The following MIR17HG variants were observed in gnomAD, a reference collection of about 807,000 sequenced individuals.
MIR17HG encodes the protein MIR17 host gene (non-protein coding).
At chr13:91,351,729 T>C (rs1312233326) in intron 3 of MIR17HG, 1 of 202,588 alleles carries the variant, frequency 4.9e-6, no homozygotes, top group African/African-American at 2.3e-5. Context: ...TTTTACTTAA[T>C]CTAAAAGTTA....
chr13:91,348,262 G>C (rs1018280715), intron 1 of MIR17HG, among the ~76,000 whole-genome samples: 5 of 150,612 alleles, frequency 3.3e-5, no homozygotes, highest in African/African-American at 1.2e-4. Flanking sequence ...ACCCGAAGGC[G>C]GGTGGGCGGA....
chr13:91,349,165 G>C (rs970424067), intron 1 of MIR17HG, among the ~76,000 whole-genome samples: 1 of 152,074 alleles, frequency 6.6e-6, no homozygotes. Context: ...CGGGCACTTT[G>C]CAGTCTCGGG....
chr13:91,351,519 T>C (rs185444885), intron 3 of MIR17HG: 1 of 367,954 alleles, frequency 2.7e-6, no homozygotes, highest in East Asian at 7.5e-5. Context: ...ACATCTTGTC[T>C]TGTTTTCATT....
chr13:91,349,783 T>A (rs1305092644), intron 2 of MIR17HG: 2 of 152,256 alleles, frequency 1.3e-5, no homozygotes, highest in South Asian at 4.1e-4. Context: ...AAGTGTATTC[T>A]GATTTTCTTG....
At chr13:91,349,215 G>A (rs962630794) in intron 1 of MIR17HG, among the ~76,000 whole-genome samples, 1 of 152,086 alleles carries the variant, frequency 6.6e-6, no homozygotes, top group Non-Finnish European at 1.5e-5. Context: ...TGCAGCAAAG[G>A]GAAAAGGAAC....
At chr13:91,353,126 A>G (rs1236770742) in intron 3 of MIR17HG, among the ~76,000 whole-genome samples, 1 of 151,264 alleles carries the variant, frequency 6.6e-6, no homozygotes, top group Non-Finnish European at 1.5e-5. Flanking sequence ...AAAAAAAAAA[A>G]AAAAAAAAAA....
exon 3 of MIR17HG, chr13:91,350,198 C>A (rs904494718): frequency 5.7e-6 from 1 of 174,622 alleles, no homozygotes. Flanking sequence ...AATGTTTTGC[C>A]ACGTGGATGT....
At chr13:91,353,002 C>T (rs1270283567) in intron 3 of MIR17HG, among the ~76,000 whole-genome samples, 1 of 148,838 alleles carries the variant, frequency 6.7e-6, no homozygotes, top group South Asian at 2.1e-4. Context: ...CCCAGCTACT[C>T]TGGAGGCTGA....
intron 3 of MIR17HG, chr13:91,350,288 CATTTT>C (rs1295426929): frequency 1.0e-5 from 2 of 199,180 alleles, no homozygotes; most frequent in Admixed American, 5.3e-5. Flanking sequence ...TTTGCAGTCT[CATTTT>C]GTTTTGTTTT....
chr13:91,348,530 G>A (rs1802442270), intron 1 of MIR17HG, among the ~76,000 whole-genome samples: 3 of 151,306 alleles, frequency 2.0e-5, no homozygotes, highest in Non-Finnish European at 3.0e-5. Context: ...CCCAAACTTT[G>A]TACGCGCGAG....
At chr13:91,353,222 A>G (rs916719309) in intron 3 of MIR17HG, among the ~76,000 whole-genome samples, 8 of 151,932 alleles carry the variant, frequency 5.3e-5, no homozygotes, top group African/African-American at 1.7e-4. Context: ...AAACTGGAAC[A>G]GTGTGATAGG....
At chr13:91,347,989 G>A (rs1875047245) in intron 1 of MIR17HG, 1 of 151,560 alleles carries the variant, frequency 6.6e-6, no homozygotes, top group African/African-American at 2.4e-5. Context: ...CGGCGACGGA[G>A]GGAAACCTGT....
At chr13:91,349,504 C>A (rs1194800485) in intron 1 of MIR17HG, among the ~76,000 whole-genome samples, 1 of 151,832 alleles carries the variant, frequency 6.6e-6, no homozygotes, top group Non-Finnish European at 1.5e-5. Flanking sequence ...CAACTTTATT[C>A]TCTTACGTAT....
intron 3 of MIR17HG, among the ~76,000 whole-genome samples, chr13:91,352,825 C>G (rs1388349427): frequency 1.3e-5 from 2 of 152,022 alleles, no homozygotes; most frequent in Non-Finnish European, 1.5e-5. Flanking sequence ...TTAAAAAGTT[C>G]CGGCTGGACA....
chr13:91,350,923 A>C (rs1403138754), intron 3 of MIR17HG: 1 of 534,576 alleles, frequency 1.9e-6, no homozygotes, highest in African/African-American at 1.9e-5. Flanking sequence ...TAGTTGCACT[A>C]CAAGAAGAAT....
At chr13:91,352,773 C>G (rs959539429) in intron 3 of MIR17HG, among the ~76,000 whole-genome samples, 2 of 152,126 alleles carry the variant, frequency 1.3e-5, no homozygotes, top group African/African-American at 4.8e-5. Flanking sequence ...ATAATTGTGT[C>G]TTTTTGGTTA....
intron 3 of MIR17HG, chr13:91,351,627 G>A (rs1048582294): frequency 9.6e-6 from 3 of 313,746 alleles, no homozygotes; most frequent in East Asian, 7.6e-5. Flanking sequence ...TAAGTATTGC[G>A]ATATGACTAA....
chr13:91,348,257 A>G (rs1410016312), intron 1 of MIR17HG, among the ~76,000 whole-genome samples: 1 of 149,044 alleles, frequency 6.7e-6, no homozygotes, highest in Non-Finnish European at 1.5e-5. Flanking sequence ...GGCCGACCCG[A>G]AGGCGGGTGG....
chr13:91,348,918 G>T (rs934122047), intron 1 of MIR17HG, among the ~76,000 whole-genome samples: 65 of 149,182 alleles, frequency 4.4e-4, no homozygotes, highest in Non-Finnish European at 7.9e-4. Flanking sequence ...CCTCTGGGCC[G>T]GGCTCGGGGG....
Sources: allele counts gnomAD v4.1 joint callset (sites outside exome capture counted in the v4.1 genomes callset), GRCh38; gene constraint gnomAD v4.1.1; transcripts MANE v1.5; gene names NCBI Gene and HGNC (gene_info 2026-07-23, HGNC 2026-07-21).